The following SP8 variants were observed in gnomAD, a reference collection of about 807,000 sequenced individuals.
The protein encoded by SP8 is transcription factor Sp8.
A neutral mutation model predicts 15.3 loss-of-function variants in SP8; 7 were observed. The observed-to-expected ratio is 0.46, with a 90% CI of 0.26 to 0.86. The LOEUF is 0.86. SP8 is among the 40% of genes least tolerant of loss of function. The pLI is 0.16. For missense variants in SP8, 731 were observed against 736.4 expected (o/e 0.99, Z 0.09); for synonymous variants, 415 against 356.3 (o/e 1.16, Z -1.86).
chr7:20,785,163 G>T lies in SP8; in HGVS notation c.654C>A (p.Gly218=). Residue 218 remains glycine (G), a synonymous_variant, in exon 2 of 2, where the codon GGC becomes GGA. Transcript: ENST00000418710. The surrounding 1 kb of genome is among the most constrained non-coding windows in gnomAD (Gnocchi z 7.2). The part of the protein sequence containing the change: ...KPSHPGLGAA[G]EVGSAGASSW... ...TGGAGGCGCCGGCCGAGCCCACCTC[G>T]CCCGCAGCACCCAGGCCCGGGTGCG... 1.3e-6 allele frequency: 2 copies of T among 1,596,262 alleles called. No individual in the cohort carries two copies. Among genetic ancestry groups the T allele is most frequent in the African/African-American group, 1.4e-5 (1 of 73,866 alleles).
In SP8 at chr7:20,785,529, A is replaced by AGCCGCGGCTGCTGCCGCGGCC. The variant is rs756690047; in HGVS notation, c.267_287dup (p.Ala93_Ala99dup). On this transcript the variant is annotated inframe_insertion, in exon 2 of 2. Coordinates refer to ENST00000418710, the MANE Select transcript of SP8 (RefSeq NM_182700.6). The surrounding 1 kb of genome is among the most constrained non-coding windows in gnomAD (Gnocchi z 7.2). ...ACGAGTCGGACACCAGGGCCGCGGCAGCCGCGGCTGCTGCCGCGGCCGCCG... is the reference window on the plus strand; with the variant it reads ...ACGAGTCGGACACCAGGGCCGCGGCAGCCGCGGCTGCTGCCGCGGCCGCCGCGGCTGCTGCCGCGGCCGCCG... The AGCCGCGGCTGCTGCCGCGGCC allele has an allele frequency of 4.4e-6, 5 of 1,143,594 alleles. No individual in the cohort carries two copies. Among genetic ancestry groups the AGCCGCGGCTGCTGCCGCGGCC allele is most frequent in the African/African-American group, 3.5e-5 (2 of 57,606 alleles). The allele number at this position is 1,143,594 out of a possible 1,614,324, so 70.8% of individuals were successfully genotyped here. A position where few individuals can be genotyped will look rare whatever the true frequency, so the allele number is the denominator to read the frequency against.
In SP8 at chr7:20,784,320, G is replaced by T; in HGVS notation, c.1497C>A (p.Pro499=). Residue 499 remains proline (P), a synonymous_variant, in exon 2 of 2, where the codon CCC becomes CCA. Transcript: ENST00000418710. ...CTAGGCCGTTGCGGTGCCCGGGCTC[G>T]GGGGGCTGCAGCAGCTCTGGGGAGT... ...PCHSPELLQP[P]EPGHRNGLE is the part of the protein sequence containing the mutation. 1.3e-6 allele frequency: 2 copies of T among 1,503,120 alleles called. No individual in the cohort carries two copies. The highest frequency in any genetic ancestry group is 4.2e-5 in the Admixed American group (2 of 47,330). The allele number at this position is 1,503,120 out of a possible 1,614,324, so 93.1% of individuals were successfully genotyped here.
chr7:20,785,541 T>C lies in SP8; in HGVS notation c.276A>G (p.Ala92=), dbSNP rs1342357082. The change falls in exon 2 of 2, where the codon GCA becomes GCG. Residue 92 remains alanine (A), a synonymous_variant. Coordinates refer to ENST00000418710, the MANE Select transcript of SP8 (RefSeq NM_182700.6). The surrounding 1 kb of genome is among the most constrained non-coding windows in gnomAD (Gnocchi z 7.2). ...CCAGGGCCGCGGCAGCCGCGGCTGC[T>C]GCCGCGGCCGCCGCAGCCGCCGAGG... ...GSSSAAAAAA[A]AAAAAAALVS... 2 of 1,023,868 alleles carry C rather than the reference T, an allele frequency of 2.0e-6. No individual in the cohort carries two copies. The highest frequency in any genetic ancestry group is 1.5e-5 in the South Asian group (1 of 65,300). The allele number at this position is 1,023,868 out of a possible 1,614,324, so 63.4% of individuals were successfully genotyped here.
In SP8 at chr7:20,785,858, A is replaced by G; in HGVS notation, c.22-63T>C. 1 of 1,524,510 alleles carries G rather than the reference A, an allele frequency of 6.6e-7. No homozygotes were observed. Among genetic ancestry groups the G allele is most frequent in the South Asian group, 1.2e-5 (1 of 83,858 alleles). The allele number at this position is 1,524,510 out of a possible 1,614,324, so 94.4% of individuals were successfully genotyped here. Reference sequence around the variant, plus strand: ...GTGGGCAAAGGGCCGGTGGGGGAGGAAAGGAAGAAATGTGCATCAGTCCTT... The same window carrying G: ...GTGGGCAAAGGGCCGGTGGGGGAGGGAAGGAAGAAATGTGCATCAGTCCTT... On this transcript the variant is annotated intron_variant, in intron 1 of 1. Coordinates refer to ENST00000418710, the MANE Select transcript of SP8 (RefSeq NM_182700.6). This position sits in a 1 kb window ranked among gnomAD's most constrained non-coding sequence, Gnocchi z 7.2.
chr7:20,785,778 T>TC lies in SP8; in HGVS notation c.38dup (p.Ser14IlefsTer12). Reference sequence around the variant, plus strand: ...CGGCAAGCATGGCCAGAGGAGTCGATCCCAACCTCGGTTCTTCCTGCGAGG... The same window carrying TC: ...CGGCAAGCATGGCCAGAGGAGTCGATCCCCAACCTCGGTTCTTCCTGCGAGG... On this transcript the variant is annotated frameshift_variant, in exon 2 of 2. Coordinates refer to ENST00000418710, the MANE Select transcript of SP8 (RefSeq NM_182700.6). LOFTEE classifies it low-confidence loss of function (END_TRUNC). The surrounding 1 kb of genome is among the most constrained non-coding windows in gnomAD (Gnocchi z 7.2). The TC allele has an allele frequency of 6.5e-7, 1 of 1,528,290 alleles. No individual in the cohort carries two copies. Among genetic ancestry groups the TC allele is most frequent in the Non-Finnish European group, 8.8e-7 (1 of 1,130,398 alleles). The allele number at this position is 1,528,290 out of a possible 1,614,324, so 94.7% of individuals were successfully genotyped here.
rs1323488068 is a variant in SP8 at position 20,784,721 on chromosome 7, C to T, written c.1096G>A (p.Ala366Thr). The change falls in exon 2 of 2, where the codon GCG becomes ACG. Residue 366 changes from alanine (A) to threonine (T), a missense_variant. Ala to Thr is a moderately conservative substitution (Grantham distance 58, BLOSUM62 0). This residue lies in a region of SP8 where 586 missense variants were observed against 524.9 expected (regional missense o/e 1.12). Transcript: ENST00000418710. The stretch of plus-strand genomic sequence containing the variant: ...TGCAGGCCCTTGCGCCGCAAGCTCG[C>T]CCCGGCAGGGCCCAGCCGCTCTGCC... Reference protein sequence around the residue: ...QEAERLGPAGASLRRKGLHSC... With the variant: ...QEAERLGPAGTSLRRKGLHSC... 2 of 1,596,610 alleles carry T rather than the reference C, an allele frequency of 1.3e-6. No individual in the cohort carries two copies. The highest frequency in any genetic ancestry group is 3.4e-5 in the Admixed American group (2 of 59,242).
Position 20,785,335 on chromosome 7 carries a change from CCCCCGCCGCCG to C in SP8, c.471_481del (p.Gly158ArgfsTer47), listed in dbSNP as rs1562606814. The C allele has an allele frequency of 5.8e-6, 8 of 1,379,026 alleles. No individual in the cohort carries two copies. Among genetic ancestry groups the C allele is most frequent in the Admixed American group, 2.6e-5 (1 of 37,918 alleles). The allele number at this position is 1,379,026 out of a possible 1,614,324, so 85.4% of individuals were successfully genotyped here. ...GTGCGCGGAGGAGCCGCCGCCGCCG[CCCCCGCCGCCG>C]CCGCCGCTGCCCCCGGAAACTCCGG... On this transcript the variant is annotated frameshift_variant, in exon 2 of 2. Transcript: ENST00000418710. LOFTEE classifies it low-confidence loss of function (END_TRUNC). The surrounding 1 kb of genome is among the most constrained non-coding windows in gnomAD (Gnocchi z 7.2).
chr7:20,785,808 G>A lies in SP8; in HGVS notation c.22-13C>T. 6.3e-7 allele frequency: 1 copy of A among 1,592,146 alleles called. No homozygotes were observed. Among genetic ancestry groups the A allele is most frequent in the East Asian group, 2.2e-5 (1 of 44,478 alleles). On this transcript the variant is annotated splice_polypyrimidine_tract_variant and intron_variant, in intron 1 of 1. Coordinates refer to ENST00000418710, the MANE Select transcript of SP8 (RefSeq NM_182700.6). This position sits in a 1 kb window ranked among gnomAD's most constrained non-coding sequence, Gnocchi z 7.2. ...ACCTCGGTTCTTCCTGCGAGGAGGA[G>A]AGGAGAAGGAGTGGGGGAGGGGAGG...
chr7:20,784,856 C>A lies in SP8; in HGVS notation c.961G>T (p.Gly321Trp). The A allele has an allele frequency of 6.6e-7, 1 of 1,526,078 alleles. No homozygotes were observed. Among genetic ancestry groups the A allele is most frequent in the Non-Finnish European group, 8.7e-7 (1 of 1,142,950 alleles). The allele number at this position is 1,526,078 out of a possible 1,614,324, so 94.5% of individuals were successfully genotyped here. Residue 321 changes from glycine (G) to tryptophan (W), a missense_variant, in exon 2 of 2, where the codon GGG becomes TGG. Physicochemically the swap from Gly to Trp is radical, Grantham distance 184. Around this residue, in one of 3 missense-constraint regions of SP8, gnomAD observed 586 missense variants for 524.9 expected, o/e 1.12. Transcript: ENST00000418710. ...DSAPSPLAGA[G>W]GSMLSAGPSA... The stretch of plus-strand genomic sequence containing the variant: ...GGCCCAGCGCTCAACATGGAGCCCC[C>A]CGCGCCGGCCAGCGGCGACGGGGCC...
rs1783667664 is a variant in SP8 at position 20,785,968 on chromosome 7, G to A, written c.22-173C>T. On this transcript the variant is annotated intron_variant, in intron 1 of 1. Transcript: ENST00000418710. The surrounding 1 kb of genome is among the most constrained non-coding windows in gnomAD (Gnocchi z 7.2). ...CTCACCTGGCACCCCCAACAGCCCC[G>A]GCGCCCGGCCGCTTCCTACTCTACA... is the stretch of plus-strand genomic sequence containing the variant. 4 of 1,448,158 alleles carry A rather than the reference G, an allele frequency of 2.8e-6. No individual in the cohort carries two copies. The highest frequency in any genetic ancestry group is 3.6e-6 in the Non-Finnish European group (4 of 1,102,240). The allele number at this position is 1,448,158 out of a possible 1,614,324, so 89.7% of individuals were successfully genotyped here.
At position 20,784,817 on chromosome 7, in the gene SP8, C is replaced by G; in HGVS notation, c.1000G>C (p.Gly334Arg). The G allele has an allele frequency of 1.3e-6, 2 of 1,526,704 alleles. No homozygotes were observed. The highest frequency in any genetic ancestry group is 1.7e-6 in the Non-Finnish European group (2 of 1,143,542). The allele number at this position is 1,526,704 out of a possible 1,614,324, so 94.6% of individuals were successfully genotyped here. ...MLSAGPSAPL[G>R]GSPRSSARRY... Reference sequence around the variant, plus strand: ...CGAGCTGAGGAGCGCGGGGAGCCCCCCAGCGGCGCCGAAGGCCCAGCGCTC... The same window carrying G: ...CGAGCTGAGGAGCGCGGGGAGCCCCGCAGCGGCGCCGAAGGCCCAGCGCTC... The change falls in exon 2 of 2, where the codon GGG (glycine) becomes CGG (arginine). Residue 334 changes from glycine to arginine, a missense_variant. Around this residue, in one of 3 missense-constraint regions of SP8, gnomAD observed 586 missense variants for 524.9 expected, o/e 1.12. Coordinates refer to ENST00000418710, the MANE Select transcript of SP8 (RefSeq NM_182700.6).
chr7:20,784,720 G>A lies in SP8; in HGVS notation c.1097C>T (p.Ala366Val). The A allele has an allele frequency of 6.3e-7, 1 of 1,596,164 alleles. No homozygotes were observed. The highest frequency in any genetic ancestry group is 8.5e-7 in the Non-Finnish European group (1 of 1,174,454). Reference protein sequence around the residue: ...QEAERLGPAGASLRRKGLHSC... With the variant: ...QEAERLGPAGVSLRRKGLHSC... ...GTGCAGGCCCTTGCGCCGCAAGCTC[G>A]CCCCGGCAGGGCCCAGCCGCTCTGC... Residue 366 changes from alanine (A) to valine (V), a missense_variant, in exon 2 of 2, where the codon GCG (alanine) becomes GTG (valine). By Grantham distance (64) the Ala-to-Val change is moderately conservative. Around this residue, in one of 3 missense-constraint regions of SP8, gnomAD observed 586 missense variants for 524.9 expected, o/e 1.12. Coordinates refer to ENST00000418710, the MANE Select transcript of SP8 (RefSeq NM_182700.6).
In SP8 at chr7:20,785,438, C is replaced by T; in HGVS notation, c.379G>A (p.Ala127Thr). The T allele has an allele frequency of 1.5e-6, 2 of 1,311,882 alleles. No homozygotes were observed. The highest frequency in any genetic ancestry group is 2.9e-5 in the Admixed American group (1 of 34,758). The allele number at this position is 1,311,882 out of a possible 1,614,324, so 81.3% of individuals were successfully genotyped here. A position where few individuals can be genotyped will look rare whatever the true frequency, so the allele number is the denominator to read the frequency against. Reference sequence around the variant, plus strand: ...GAGGCGGCGGCTGCGGCGGCGGCGGCGGCGGCTGCGGCGCTGCTGGAGGTG... The same window carrying T: ...GAGGCGGCGGCTGCGGCGGCGGCGGTGGCGGCTGCGGCGCTGCTGGAGGTG... Reference protein sequence around the residue: ...SLTSSSAAAAAAAAAAAASSS... With the variant: ...SLTSSSAAAATAAAAAAASSS... Residue 127 changes from alanine (A) to threonine (T), a missense_variant, in exon 2 of 2, where the codon GCC becomes ACC. Coordinates refer to ENST00000418710, the MANE Select transcript of SP8 (RefSeq NM_182700.6). The surrounding 1 kb of genome is among the most constrained non-coding windows in gnomAD (Gnocchi z 7.2).
chr7:20,784,661 C>T lies in SP8; in HGVS notation c.1156G>A (p.Gly386Ser). 6.2e-7 allele frequency: 1 copy of T among 1,609,866 alleles called. No individual in the cohort carries two copies. Among genetic ancestry groups the T allele is most frequent in the Non-Finnish European group, 8.5e-7 (1 of 1,179,008 alleles). ...TGCGCCTTGAGGTGCGAAGTCTTGCCGTACACCTTGCCGCAGCCCGGGATG... is the reference window on the plus strand; with the variant it reads ...TGCGCCTTGAGGTGCGAAGTCTTGCTGTACACCTTGCCGCAGCCCGGGATG... ...CHIPGCGKVYGKTSHLKAHLR... is the reference protein window; with the variant it reads ...CHIPGCGKVYSKTSHLKAHLR... The change falls in exon 2 of 2, where the codon GGC becomes AGC. Residue 386 changes from glycine to serine, a missense_variant. Gly to Ser is a moderately conservative substitution (Grantham distance 56). Coordinates refer to ENST00000418710, the MANE Select transcript of SP8 (RefSeq NM_182700.6).
Position 20,786,878 on chromosome 7 carries a change from C to CA in SP8, c.-81dup. The CA allele has an allele frequency of 8.7e-7, 1 of 1,150,668 alleles. No homozygotes were observed. The allele number at this position is 1,150,668 out of a possible 1,614,324, so 71.3% of individuals were successfully genotyped here. On this transcript the variant is annotated 5_prime_UTR_variant, in exon 1 of 2. Coordinates refer to ENST00000418710, the MANE Select transcript of SP8 (RefSeq NM_182700.6). This position sits in a 1 kb window ranked among gnomAD's most constrained non-coding sequence, Gnocchi z 4.4. ...AGGCAGTGTTTTTTTTAGAGGTGTG[C>CA]AATACAATGATCAGTTCCGCCCATT... is the stretch of plus-strand genomic sequence containing the variant.
Position 20,784,139 on chromosome 7 carries a change from C to CAGAAGGA in SP8, c.*144_*150dup. Reference sequence around the variant, plus strand: ...ATATCCCCTTTACAAAGTTAAGTCACAGAAGGAAGAAGGAAGAGGGGCAGA... The same window carrying CAGAAGGA: ...ATATCCCCTTTACAAAGTTAAGTCACAGAAGGAAGAAGGAAGAAGGAAGAGGGGCAGA... On this transcript the variant is annotated 3_prime_UTR_variant, in exon 2 of 2. Transcript: ENST00000418710. 1 of 703,282 alleles carries CAGAAGGA rather than the reference C, an allele frequency of 1.4e-6. No homozygotes were observed. Among genetic ancestry groups the CAGAAGGA allele is most frequent in the Non-Finnish European group, 2.1e-6 (1 of 475,450 alleles). The allele number at this position is 703,282 out of a possible 1,614,324, so 43.6% of individuals were successfully genotyped here. A position where few individuals can be genotyped will look rare whatever the true frequency, so the allele number is the denominator to read the frequency against.
Position 20,785,539 on chromosome 7 carries a change from G to A in SP8, c.278C>T (p.Ala93Val), listed in dbSNP as rs775344089. 1.5e-5 allele frequency: 22 copies of A among 1,420,646 alleles called. No homozygotes were observed. In the Middle Eastern group the frequency reaches 8.0e-4, roughly 52 times the overall value. The allele number at this position is 1,420,646 out of a possible 1,614,324, so 88.0% of individuals were successfully genotyped here. A position where few individuals can be genotyped will look rare whatever the true frequency, so the allele number is the denominator to read the frequency against. ...SSSAAAAAAA[A>V]AAAAAALVSD... is the part of the protein sequence containing the mutation. The stretch of plus-strand genomic sequence containing the variant: ...CACCAGGGCCGCGGCAGCCGCGGCT[G>A]CTGCCGCGGCCGCCGCAGCCGCCGA... The change falls in exon 2 of 2, where the codon GCA becomes GTA. Residue 93 changes from alanine (A) to valine (V), a missense_variant. By Grantham distance (64) the Ala-to-Val change is moderately conservative. Transcript: ENST00000418710. The surrounding 1 kb of genome is among the most constrained non-coding windows in gnomAD (Gnocchi z 7.2).
rs1211473772 is a variant in SP8, at chr7:20,783,179, T to C, written c.*1111A>G. ...CTACGATCTTCATGAATTGAGAGAA[T>C]TTACGAAATTGGTACTATACAATTG... On this transcript the variant is annotated 3_prime_UTR_variant, in exon 2 of 2. Coordinates refer to ENST00000418710, the MANE Select transcript of SP8 (RefSeq NM_182700.6). The C allele has an allele frequency of 6.9e-3, 5 of 724 alleles. No homozygotes were observed. Among genetic ancestry groups the C allele is most frequent in the African/African-American group, 0.026 (2 of 76 alleles). The allele number at this position is 724 out of a possible 1,614,324, so 0.0% of individuals were successfully genotyped here.
chr7:20,784,692 G>T lies in SP8; in HGVS notation c.1125C>A (p.Ser375Arg). Residue 375 changes from serine to arginine, a missense_variant, in exon 2 of 2, where the codon AGC becomes AGA. By Grantham distance (110) the Ser-to-Arg change is moderately radical. Coordinates refer to ENST00000418710, the MANE Select transcript of SP8 (RefSeq NM_182700.6). The stretch of plus-strand genomic sequence containing the variant: ...CCTTGCCGCAGCCCGGGATGTGGCA[G>T]CTGTGCAGGCCCTTGCGCCGCAAGC... The part of the protein sequence containing the change: ...GASLRRKGLH[S>R]CHIPGCGKVY... The T allele has an allele frequency of 6.2e-7, 1 of 1,607,522 alleles. No individual in the cohort carries two copies.
Sources: allele counts gnomAD v4.1 joint callset, GRCh38; gene constraint gnomAD v4.1.1; regional missense constraint gnomAD v4.1.1; non-coding constraint Gnocchi (gnomAD v3.1); transcripts MANE v1.5; gene names NCBI Gene and HGNC (gene_info 2026-07-23, HGNC 2026-07-21).